The following CDH18 variants were observed in gnomAD, a reference collection of about 807,000 sequenced individuals.
CDH18 encodes the protein cadherin 18.
A neutral mutation model predicts 67.9 loss-of-function variants in CDH18; 31 were observed. The observed-to-expected ratio is 0.46, with a 90% CI of 0.34 to 0.62. The LOEUF is 0.62. Among genes scored for constraint, CDH18 ranks in the 20% least tolerant of loss-of-function variants. CDH18 has a pLI of 0.01. For missense variants in CDH18, 890 were observed against 975.5 expected (o/e 0.91, Z 1.17); for synonymous variants, 362 against 347.2 (o/e 1.04, Z -0.48).
At chr5:19,745,135 C>T (rs6870271) in intron 4 of CDH18, among the ~76,000 whole-genome samples, 124,767 of 152,172 alleles carry the variant, frequency 0.82, 51,929 homozygotes, top group East Asian at 1. Flanking sequence ...TCTGTGGCTA[C>T]TAGCTACTTC....
intron 10 of CDH18, among the ~76,000 whole-genome samples, chr5:19,511,549 A>C (rs1451925804): frequency 6.6e-6 from 1 of 152,138 alleles, no homozygotes; most frequent in Non-Finnish European, 1.5e-5. Context: ...CTGAGGACGG[A>C]GATGAGGAAC....
chr5:20,043,076 G>A (rs1740591018), intron 2 of CDH18, among the ~76,000 whole-genome samples: 1 of 152,096 alleles, frequency 6.6e-6, no homozygotes, highest in South Asian at 2.1e-4. Flanking sequence ...ATTCTTTGAT[G>A]TGGGGGTTGC....
At chr5:19,922,901 AAAC>A (rs1792660360) in intron 2 of CDH18, among the ~76,000 whole-genome samples, 2 of 152,288 alleles carry the variant, frequency 1.3e-5, no homozygotes, top group African/African-American at 4.8e-5. Context: ...ACTTACCTGA[AAAC>A]AAATTATATA....
At chr5:19,544,507 T>C (rs1416611495) in intron 8 of CDH18, among the ~76,000 whole-genome samples, 2 of 151,978 alleles carry the variant, frequency 1.3e-5, no homozygotes, top group African/African-American at 4.8e-5. Context: ...TCCATCACAG[T>C]TCAACTAAAC....
intron 1 of CDH18, among the ~76,000 whole-genome samples, chr5:20,501,570 A>ATATATATATATTATATATATATATAT (rs1754303057): frequency 4.7e-5 from 1 of 21,248 alleles, no homozygotes; most frequent in Non-Finnish European, 9.4e-5. Flanking sequence ...TATATATATA[A>ATATATATATATTATATATATATATAT]TATATATATA....
intron 10 of CDH18, among the ~76,000 whole-genome samples, chr5:19,504,067 A>C (rs16885897): frequency 0.034 from 5,124 of 152,192 alleles, 278 homozygotes; most frequent in African/African-American, 0.12. Flanking sequence ...AAGGTAATTC[A>C]CCAAAGGATA....
At chr5:19,612,946 T>C (rs984941570) in intron 5 of CDH18, among the ~76,000 whole-genome samples, 12 of 151,958 alleles carry the variant, frequency 7.9e-5, no homozygotes, top group African/African-American at 2.7e-4. Context: ...TGAGACCAGC[T>C]TGACCAGTAT....
At chr5:19,480,351 TTTTA>T (rs70950071) in intron 12 of CDH18, among the ~76,000 whole-genome samples, 40,605 of 145,248 alleles carry the variant, frequency 0.28, 5,810 homozygotes, top group South Asian at 0.34. Flanking sequence ...ATAAAGTTTA[TTTTA>T]TTTATTTATT....
chr5:20,311,572 G>A (rs1193665467), intron 1 of CDH18, among the ~76,000 whole-genome samples: 10 of 152,162 alleles, frequency 6.6e-5, no homozygotes, highest in East Asian at 1.9e-4. Context: ...ACATGTTCTC[G>A]CTCATAAGTG....
chr5:19,764,658 C>CAA (rs1379865064), intron 3 of CDH18, among the ~76,000 whole-genome samples: 11 of 150,918 alleles, frequency 7.3e-5, no homozygotes, highest in Non-Finnish European at 1.5e-4. Context: ...TACACACACA[C>CAA]ATACACATAT....
chr5:19,548,757 T>A (rs529818746), intron 8 of CDH18, among the ~76,000 whole-genome samples: 187 of 151,812 alleles, frequency 1.2e-3, no homozygotes, highest in African/African-American at 4.0e-3. Context: ...ATCAGCTTTT[T>A]TTTTTTTTTT....
At chr5:19,780,437 A>T (rs1264016679) in intron 3 of CDH18, among the ~76,000 whole-genome samples, 1 of 152,118 alleles carries the variant, frequency 6.6e-6, no homozygotes, top group Non-Finnish European at 1.5e-5. Context: ...TTATCAATAC[A>T]TTGTATCCTA....
chr5:20,130,769 T>A (rs917662367), intron 2 of CDH18, among the ~76,000 whole-genome samples: 1 of 152,066 alleles, frequency 6.6e-6, no homozygotes, highest in African/African-American at 2.4e-5. Flanking sequence ...AAAAATCTCA[T>A]ATCAATATAA....
At chr5:20,466,600 CACCTT>C (rs1413775105) in intron 1 of CDH18, among the ~76,000 whole-genome samples, 1 of 152,094 alleles carries the variant, frequency 6.6e-6, no homozygotes, top group Non-Finnish European at 1.5e-5. Context: ...GAGTCACAGC[CACCTT>C]ACATTTTACT....
intron 2 of CDH18, among the ~76,000 whole-genome samples, chr5:19,895,710 T>C (rs1257685556): frequency 6.6e-6 from 1 of 152,048 alleles, no homozygotes; most frequent in Non-Finnish European, 1.5e-5. Context: ...AACATAACAC[T>C]CGGATGAATC....
intron 2 of CDH18, among the ~76,000 whole-genome samples, chr5:20,199,041 C>T (rs1580459512): frequency 1.3e-5 from 2 of 152,278 alleles, no homozygotes; most frequent in East Asian, 3.9e-4. Context: ...GGGCAGAGCC[C>T]TCATGAAGAA....
intron 2 of CDH18, among the ~76,000 whole-genome samples, chr5:20,046,216 A>T (rs1740878782): frequency 6.6e-6 from 1 of 152,020 alleles, no homozygotes; most frequent in Non-Finnish European, 1.5e-5. Flanking sequence ...GAATTTGTTG[A>T]CAGATTAATA....
At chr5:20,353,334 A>C (rs1741357608) in intron 1 of CDH18, among the ~76,000 whole-genome samples, 1 of 152,176 alleles carries the variant, frequency 6.6e-6, no homozygotes, top group Non-Finnish European at 1.5e-5. Context: ...ATTGCTTTTC[A>C]ATAAGACAAA....
chr5:20,308,079 CTTTTTTTTTTTTTTT>C (rs759117114), intron 1 of CDH18, among the ~76,000 whole-genome samples: 15 of 85,438 alleles, frequency 1.8e-4, no homozygotes, highest in African/African-American at 7.6e-4. Context: ...AATACTACTG[CTTTTTTTTTTTTTTT>C]TTTTTTTTTT....
Sources: gnomAD v4.1 joint callset for allele counts (sites outside exome capture counted in the v4.1 genomes callset) on GRCh38, gnomAD v4.1.1 for gene constraint, MANE v1.5 for transcripts, NCBI Gene and HGNC (gene_info 2026-07-23, HGNC 2026-07-21) for gene names.